Variants in PEBP4 observed in about 807,000 individuals in gnomAD.
The protein encoded by PEBP4 is phosphatidylethanolamine binding protein 4.
Under a neutral mutation model 23.9 loss-of-function variants are expected in PEBP4, and 22 were observed. The ratio of observed to expected loss-of-function variants is 0.92; its 90% CI spans 0.66 to 1.31. The LOEUF is 1.31. Among genes scored for constraint, PEBP4 ranks in the 40% most tolerant of loss-of-function variants. PEBP4 has a pLI of 0.00. For missense variants in PEBP4, 324 were observed against 281.7 expected (o/e 1.15, Z -1.07); for synonymous variants, 112 against 99.3 (o/e 1.13, Z -0.76).
chr8:22,776,048 G>A (rs1024305700), intron 4 of PEBP4, among the ~76,000 whole-genome samples: 7 of 152,112 alleles, frequency 4.6e-5, no homozygotes, highest in African/African-American at 1.4e-4. Context: ...CCTGGGGCAG[G>A]CACCATTACC....
intron 4 of PEBP4, among the ~76,000 whole-genome samples, chr8:22,761,429 C>A (rs530380343): frequency 2.0e-5 from 3 of 152,230 alleles, no homozygotes; most frequent in South Asian, 2.1e-4. Flanking sequence ...AGCGAGAAGA[C>A]CCCCCTGCAA....
chr8:22,782,924 G>A (rs932944481), intron 4 of PEBP4, among the ~76,000 whole-genome samples: 2 of 152,172 alleles, frequency 1.3e-5, no homozygotes, highest in African/African-American at 4.8e-5. Flanking sequence ...AGAGTCACAG[G>A]GAAGACGACT....
intron 3 of PEBP4, among the ~76,000 whole-genome samples, chr8:22,846,012 C>A (rs1294422236): frequency 6.6e-6 from 1 of 152,226 alleles, no homozygotes; most frequent in African/African-American, 2.4e-5. Flanking sequence ...ACTGGGACAG[C>A]CGCTAAGTGG....
At chr8:22,908,274 G>T (rs557579124) in intron 3 of PEBP4, among the ~76,000 whole-genome samples, 2 of 152,134 alleles carry the variant, frequency 1.3e-5, no homozygotes, top group East Asian at 3.9e-4. Flanking sequence ...AGAAGAAGCT[G>T]GGAACAAGAA....
chr8:22,883,238 T>C (rs567543339), intron 3 of PEBP4, among the ~76,000 whole-genome samples: 1 of 152,316 alleles, frequency 6.6e-6, no homozygotes, highest in South Asian at 2.1e-4. Flanking sequence ...CTTCATTATA[T>C]CCTTGATCCA....
At chr8:22,739,395 C>A (rs547256030) in intron 4 of PEBP4, among the ~76,000 whole-genome samples, 9 of 152,282 alleles carry the variant, frequency 5.9e-5, no homozygotes, top group African/African-American at 1.9e-4. Flanking sequence ...CTCAGCCCGA[C>A]TCTTATCGCT....
intron 4 of PEBP4, among the ~76,000 whole-genome samples, chr8:22,735,269 A>G (rs1212335703): frequency 6.6e-6 from 1 of 152,178 alleles, no homozygotes; most frequent in East Asian, 1.9e-4. Flanking sequence ...GCAGAGATGA[A>G]GGAAGAGATA....
intron 4 of PEBP4, among the ~76,000 whole-genome samples, chr8:22,797,383 C>G (rs898977734): frequency 1.6e-4 from 25 of 151,586 alleles, no homozygotes; most frequent in African/African-American, 5.8e-4. Context: ...TGCAGCCCAG[C>G]TCTTCACTTT....
rs73672903 is a variant in PEBP4, at chr8:22,812,566, C to T, written c.357+5071G>A. 8.9e-3 allele frequency among the ~76,000 whole-genome samples: 1,349 copies of T among 152,246 alleles called. 15 individuals carry two copies. The highest frequency in any genetic ancestry group is 0.029 in the African/African-American group (1,187 of 41,522). On this transcript the variant is annotated intron_variant, in intron 4 of 6. Coordinates refer to ENST00000256404, the MANE Select transcript of PEBP4 (RefSeq NM_144962.3). ...TTAGTTAAAATGGATCCTCACAGTA[C>T]AGGTCAAAGCATGCATGGGAAACTG...
Position 22,791,844 on chromosome 8 carries a change from C to A in PEBP4, c.357+25793G>T, listed in dbSNP as rs747956664. Among the ~76,000 whole-genome samples the A allele has an allele frequency of 6.5e-4, 97 of 148,892 alleles. 2 individuals carry two copies. The highest frequency in any genetic ancestry group is 1.5e-3 in the South Asian group (7 of 4,656). ...CAAAGCCTGTGCACTAGGGGGCTAA[C>A]ATTTAAAAGCACTGGATTCTTTTTT... On this transcript the variant is annotated intron_variant, in intron 4 of 6. Transcript: ENST00000256404.
chr8:22,858,966 A>T (rs529865797), intron 3 of PEBP4, among the ~76,000 whole-genome samples: 1 of 152,098 alleles, frequency 6.6e-6, no homozygotes, highest in East Asian at 1.9e-4. Context: ...CAATAACAAA[A>T]CAGAACTACA....
chr8:22,750,716 C>T (rs1805237552), intron 4 of PEBP4, among the ~76,000 whole-genome samples: 1 of 152,132 alleles, frequency 6.6e-6, no homozygotes, highest in Admixed American at 6.5e-5. Flanking sequence ...GCCACTTCCC[C>T]ATCCCTAGGG....
At chr8:22,838,898 C>T (rs548786266) in intron 3 of PEBP4, among the ~76,000 whole-genome samples, 3 of 152,366 alleles carry the variant, frequency 2.0e-5, no homozygotes, top group African/African-American at 2.4e-5. Context: ...GGACTGTCAT[C>T]GTGTGCTGTC....
chr8:22,850,934 C>A (rs187297476), intron 3 of PEBP4, among the ~76,000 whole-genome samples: 2 of 152,258 alleles, frequency 1.3e-5, no homozygotes, highest in East Asian at 1.9e-4. Flanking sequence ...GGAAAAGAAA[C>A]GGGCTTGTTG....
chr8:22,894,287 G>C (rs1283173439), intron 3 of PEBP4, among the ~76,000 whole-genome samples: 2 of 152,072 alleles, frequency 1.3e-5, no homozygotes, highest in Admixed American at 1.3e-4. Context: ...TAAATTCTTG[G>C]CACAGCCATG....
At chr8:22,804,666 A>G (rs1450481342) in intron 4 of PEBP4, among the ~76,000 whole-genome samples, 10 of 152,166 alleles carry the variant, frequency 6.6e-5, no homozygotes, top group African/African-American at 2.4e-5. Context: ...CTTCGCCCAG[A>G]TGCATATTCA....
At position 22,724,778 on chromosome 8, in the gene PEBP4, C is replaced by T. The variant is rs1184967919; in HGVS notation, c.517+65G>A. 21 of 1,278,530 alleles carry T rather than the reference C, an allele frequency of 1.6e-5. No homozygotes were observed. The Admixed American group carries it at 3.4e-4, about 21-fold the overall frequency. The allele number at this position is 1,278,530 out of a possible 1,614,324, so 79.2% of individuals were successfully genotyped here. On this transcript the variant is annotated intron_variant, in intron 6 of 6. Coordinates refer to ENST00000256404, the MANE Select transcript of PEBP4 (RefSeq NM_144962.3). ...CAAGGCCCCAATTTCCCCGTAAATG[C>T]CTGAAGCGTTTGTTCCACCCCAGAA... is the stretch of plus-strand genomic sequence containing the variant.
chr8:22,790,678 C>T (rs926401319), intron 4 of PEBP4, among the ~76,000 whole-genome samples: 3 of 152,042 alleles, frequency 2.0e-5, no homozygotes, highest in Admixed American at 6.5e-5. Context: ...GTTCTAGTTC[C>T]GAATTTGTAC....
intron 3 of PEBP4, among the ~76,000 whole-genome samples, chr8:22,853,059 C>A (rs1428877620): frequency 6.6e-6 from 1 of 152,236 alleles, no homozygotes; most frequent in Non-Finnish European, 1.5e-5. Context: ...TCACCTCCAG[C>A]CCCCATCTTG....
Sources: allele counts gnomAD v4.1 joint callset (sites outside exome capture counted in the v4.1 genomes callset), GRCh38; gene constraint gnomAD v4.1.1; transcripts MANE v1.5; gene names NCBI Gene and HGNC (gene_info 2026-07-23, HGNC 2026-07-21).